The following SND1 variants were observed in gnomAD, a reference collection of about 807,000 sequenced individuals.
SND1 encodes staphylococcal nuclease domain-containing protein 1.
SND1 carries 38 observed loss-of-function variants against 121.7 expected under a neutral mutation model. That is an observed-to-expected ratio of 0.31 (90% CI 0.24 to 0.41). The LOEUF (loss-of-function observed/expected upper bound fraction) is 0.41. SND1 is among the 10% of genes least tolerant of loss of function. The pLI, the probability that SND1 is intolerant of heterozygous loss-of-function variation, is 1.00. For missense variants in SND1, 868 were observed against 1,184.6 expected, an observed-to-expected ratio of 0.73 and a Z score of 3.92; for synonymous variants, 401 against 447.4, an observed-to-expected ratio of 0.90 and a Z score of 1.31.
At chr7:128,049,216 G>A (rs539331852) in intron 16 of SND1, among the ~76,000 whole-genome samples, 18 of 152,160 alleles carry the variant, frequency 1.2e-4, no homozygotes, top group East Asian at 9.7e-4. Context: ...TTATAACACC[G>A]TGGAAGGCTC....
chr7:128,023,130 G>T (rs1803396273), intron 16 of SND1, among the ~76,000 whole-genome samples: 1 of 152,134 alleles, frequency 6.6e-6, no homozygotes, highest in Non-Finnish European at 1.5e-5. Context: ...CTCCTTGACT[G>T]CATTGCAGCC....
intron 16 of SND1, among the ~76,000 whole-genome samples, chr7:128,000,368 C>CT (rs34812649): frequency 0.61 from 81,790 of 135,158 alleles, 25,244 homozygotes; most frequent in Middle Eastern, 0.71. Flanking sequence ...GCTTTTGCTT[C>CT]TTTTTTTTTT....
intron 10 of SND1, among the ~76,000 whole-genome samples, chr7:127,796,761 G>A: frequency 6.6e-6 from 1 of 152,080 alleles, no homozygotes; most frequent in Admixed American, 6.6e-5. Context: ...TGTTCCTTGA[G>A]TGTGAACTTA....
chr7:127,670,971 A>G (rs1031890245), intron 1 of SND1, among the ~76,000 whole-genome samples: 1 of 152,220 alleles, frequency 6.6e-6, no homozygotes, highest in Non-Finnish European at 1.5e-5. Flanking sequence ...GAAAGCGTCT[A>G]CCATTTTATT....
intron 10 of SND1, among the ~76,000 whole-genome samples, chr7:127,787,745 T>A (rs1797837822): frequency 1.3e-5 from 2 of 152,230 alleles, no homozygotes; most frequent in African/African-American, 4.8e-5. Flanking sequence ...GTAAGACATT[T>A]ACACAACTGT....
intron 10 of SND1, among the ~76,000 whole-genome samples, chr7:127,749,043 G>GTTTTTT (rs5887354): frequency 2.6e-5 from 3 of 116,512 alleles, no homozygotes; most frequent in South Asian, 2.7e-4. Flanking sequence ...TTTTTCTTTC[G>GTTTTTT]TTTTTTTTTT....
At chr7:127,947,548 C>T (rs1159354332) in intron 15 of SND1, among the ~76,000 whole-genome samples, 1 of 128,964 alleles carries the variant, frequency 7.8e-6, no homozygotes, top group East Asian at 2.3e-4. Context: ...TGCAGATGGA[C>T]AGCACAGAGA....
chr7:127,827,608 T>C (rs1240345427), intron 11 of SND1, among the ~76,000 whole-genome samples: 1 of 152,252 alleles, frequency 6.6e-6, no homozygotes, highest in Non-Finnish European at 1.5e-5. Context: ...AGACTTATCA[T>C]TGGATATTAC....
intron 15 of SND1, among the ~76,000 whole-genome samples, chr7:127,962,826 G>A (rs1801764330): frequency 6.6e-6 from 1 of 152,096 alleles, no homozygotes; most frequent in Non-Finnish European, 1.5e-5. Context: ...TCATCCACTG[G>A]ACTTTCAGCT....
chr7:127,866,352 A>G (rs1451768833), intron 12 of SND1, among the ~76,000 whole-genome samples: 2 of 152,222 alleles, frequency 1.3e-5, no homozygotes, highest in African/African-American at 2.4e-5. Flanking sequence ...TTCAAGAAGC[A>G]TATAGCATTT....
intron 10 of SND1, among the ~76,000 whole-genome samples, chr7:127,781,177 A>C (rs1347836510): frequency 6.6e-6 from 1 of 152,244 alleles, no homozygotes; most frequent in Non-Finnish European, 1.5e-5. Context: ...TTTACAGTAC[A>C]TGGGAAGCTG....
intron 15 of SND1, among the ~76,000 whole-genome samples, chr7:127,946,595 A>G (rs1801335596): frequency 6.6e-6 from 1 of 152,202 alleles, no homozygotes; most frequent in South Asian, 2.1e-4. Context: ...GATAGAGTAC[A>G]TGAAACTGGC....
chr7:127,844,371 G>A lies in SND1; in HGVS notation c.1290G>A (p.Glu430=), dbSNP rs751638915. 3 of 1,613,682 alleles carry A rather than the reference G, an allele frequency of 1.9e-6. No individual in the cohort carries two copies. In the South Asian group the frequency reaches 3.3e-5, roughly 18 times the overall value. ...DYIRPASPAT[E]TVPAFSERTC... Reference sequence around the variant, plus strand: ...TTAGACCAGCCAGCCCAGCCACAGAGACAGTGCCTGCCTTTTCAGAGCGTA... The same window carrying A: ...TTAGACCAGCCAGCCCAGCCACAGAAACAGTGCCTGCCTTTTCAGAGCGTA... Residue 430 remains glutamate, a synonymous_variant, in exon 12 of 24, where the codon GAG becomes GAA. Transcript: ENST00000354725.
Position 127,970,085 on chromosome 7 carries a change from T to TA in SND1, c.1670-20856dup, listed in dbSNP as rs34046184. 5.7e-3 allele frequency among the ~76,000 whole-genome samples: 872 copies of TA among 152,344 alleles called. 8 individuals carry two copies. The highest frequency in any genetic ancestry group is 0.02 in the African/African-American group (829 of 41,560). On this transcript the variant is annotated intron_variant, in intron 15 of 23. Coordinates refer to ENST00000354725, the MANE Select transcript of SND1 (RefSeq NM_014390.4). ...GTCTATATAGTCACTTGTTGTACTT[T>TA]AAAAAACTTTTAATTGTATGTGAAC...
chr7:127,705,968 G>A (rs1025543979), intron 8 of SND1, among the ~76,000 whole-genome samples: 8 of 152,098 alleles, frequency 5.3e-5, no homozygotes, highest in Non-Finnish European at 1.0e-4. Flanking sequence ...AGAAGTATTT[G>A]CAGGTTTTTA....
intron 17 of SND1, among the ~76,000 whole-genome samples, chr7:128,078,359 C>G (rs1459114877): frequency 6.6e-6 from 1 of 152,256 alleles, no homozygotes; most frequent in African/African-American, 2.4e-5. Context: ...AAACACAGTT[C>G]CTTTATCTGA....
At chr7:127,849,267 T>G (rs1799122994) in intron 12 of SND1, among the ~76,000 whole-genome samples, 1 of 152,208 alleles carries the variant, frequency 6.6e-6, no homozygotes, top group Admixed American at 6.5e-5. Context: ...AATCTCCTTC[T>G]TTCGTTCTTG....
rs114993938 is a variant in SND1, at chr7:127,983,742, A to C, written c.1670-7205A>C. 5.1e-3 allele frequency among the ~76,000 whole-genome samples: 784 copies of C among 152,256 alleles called. 5 individuals carry two copies. The highest frequency in any genetic ancestry group is 0.018 in the African/African-American group (756 of 41,540). On this transcript the variant is annotated intron_variant, in intron 15 of 23. Coordinates refer to ENST00000354725, the MANE Select transcript of SND1 (RefSeq NM_014390.4). ...ATTATTAATTTGCCTAAATATATAA[A>C]ATGAAATCACAATTCACTGGCCTGG...
intron 15 of SND1, among the ~76,000 whole-genome samples, chr7:127,976,876 G>A (rs554385005): frequency 2.0e-5 from 3 of 152,320 alleles, no homozygotes; most frequent in East Asian, 1.9e-4. Flanking sequence ...AATGGAGGCC[G>A]TGGAGGCAGG....
Sources: gnomAD v4.1 joint callset for allele counts (sites outside exome capture counted in the v4.1 genomes callset) on GRCh38, gnomAD v4.1.1 for gene constraint, MANE v1.5 for transcripts, NCBI Gene and HGNC (gene_info 2026-07-23, HGNC 2026-07-21) for gene names.